The following ALDH1A2 variants were observed in gnomAD, a reference collection of about 807,000 sequenced individuals.
ALDH1A2 encodes retinal dehydrogenase 2.
In ALDH1A2, 27 loss-of-function variants were observed where a neutral mutation model predicts 60.3. The ratio of observed to expected loss-of-function variants is 0.45; its 90% confidence interval spans 0.33 to 0.62. The LOEUF is 0.62. ALDH1A2 is among the 20% of genes least tolerant of loss of function. ALDH1A2 has a pLI of 0.02. For missense variants in ALDH1A2, 581 were observed against 643.8 expected (o/e 0.90, Z 1.06); for synonymous variants, 289 against 232.4 (o/e 1.24, Z -2.21).
Position 57,955,700 on chromosome 15 carries a change from C to G in ALDH1A2, c.1485-431G>C, listed in dbSNP as rs145282921. ...AACGCCTTGGCCATGCCTCTCTCCA[C>G]AAGGCAGCACTGGTTCAGTATTAGT... On this transcript the variant is annotated intron_variant, in intron 12 of 12. Coordinates refer to ENST00000249750, the MANE Select transcript of ALDH1A2 (RefSeq NM_003888.4). Among the ~76,000 whole-genome samples the G allele has an allele frequency of 9.0e-3, 1,358 of 150,838 alleles. 16 individuals carry two copies. The highest frequency in any genetic ancestry group is 0.032 in the African/African-American group (1,286 of 40,824).
chr15:58,051,937 TGGA>T, intron 1 of ALDH1A2, among the ~76,000 whole-genome samples: 1 of 152,274 alleles, frequency 6.6e-6, no homozygotes, highest in Non-Finnish European at 1.5e-5. Flanking sequence ...TCAAATGGTC[TGGA>T]GGAGAAATGA....
chr15:57,964,195 G>C (rs1331888107), intron 8 of ALDH1A2, 126 bp from the exon 9 acceptor site: 2 of 981,258 alleles, frequency 2.0e-6, no homozygotes, highest in Non-Finnish European at 3.1e-6. Flanking sequence ...ACCATGAATA[G>C]CCCTGGATTG....
At chr15:57,998,321 GCTT>G (rs1287755549) in intron 4 of ALDH1A2, among the ~76,000 whole-genome samples, 4 of 151,928 alleles carry the variant, frequency 2.6e-5, no homozygotes, top group Non-Finnish European at 5.9e-5. Context: ...CAGCACAAAA[GCTT>G]CTTAAGCTGA....
chr15:57,959,645 A>G (rs1391836113), intron 12 of ALDH1A2, among the ~76,000 whole-genome samples: 1 of 152,052 alleles, frequency 6.6e-6, no homozygotes, highest in African/African-American at 2.4e-5. Context: ...AAGAACCCTG[A>G]GGTAGGTAGT....
chr15:58,008,094 A>G (rs1368018002), intron 4 of ALDH1A2, among the ~76,000 whole-genome samples: 1 of 152,008 alleles, frequency 6.6e-6, no homozygotes, highest in East Asian at 1.9e-4. Flanking sequence ...GTTAACCTCT[A>G]CCTCCATCCT....
At chr15:58,057,970 T>C in intron 1 of ALDH1A2, 1 of 954,028 alleles carries the variant, frequency 1.0e-6, no homozygotes. Flanking sequence ...AATAATACAA[T>C]TATATTATCA....
chr15:58,028,889 G>T (rs1241832196), intron 1 of ALDH1A2, among the ~76,000 whole-genome samples: 7 of 152,130 alleles, frequency 4.6e-5, no homozygotes, highest in Non-Finnish European at 1.0e-4. Context: ...GGAGCACCCA[G>T]ACTCATGAAG....
chr15:58,040,131 A>G (rs1448620789), intron 1 of ALDH1A2, among the ~76,000 whole-genome samples: 1 of 151,928 alleles, frequency 6.6e-6, no homozygotes, highest in Non-Finnish European at 1.5e-5. Flanking sequence ...CAGAGAGGCA[A>G]TTTGTGTGTC....
At chr15:57,995,237 C>CTTGA (rs1895016846) in intron 4 of ALDH1A2, 98 bp from the exon 5 acceptor site, 1 of 457,486 alleles carries the variant, frequency 2.2e-6, no homozygotes. Context: ...AAAAAAAAAA[C>CTTGA]AAACAGAAAT....
Position 58,010,727 on chromosome 15 carries a change from C to T in ALDH1A2, c.415G>A (p.Asp139Asn). 1 of 1,613,500 alleles carries T rather than the reference C, an allele frequency of 6.2e-7. No homozygotes were observed. Among genetic ancestry groups the T allele is most frequent in the South Asian group, 1.1e-5 (1 of 91,076 alleles). Residue 139 changes from aspartate (D) to asparagine (N), a missense_variant, in exon 4 of 13, where the codon GAT (aspartate) becomes AAT (asparagine). Transcript: ENST00000249750. ...GKPFLQAFYV[D>N]LQGVIKTFRY... ...AAGGTTTTGATGACGCCCTGCAAAT[C>T]CACATAAAAAGCTTGCAGGAATGGT...
intron 7 of ALDH1A2, among the ~76,000 whole-genome samples, chr15:57,966,892 T>C (rs1187604792): frequency 6.6e-6 from 1 of 152,226 alleles, no homozygotes; most frequent in Non-Finnish European, 1.5e-5. Context: ...TACAACAGGA[T>C]GCGACTCCAC....
chr15:57,984,380 C>T (rs1894626971), intron 7 of ALDH1A2, among the ~76,000 whole-genome samples: 1 of 152,176 alleles, frequency 6.6e-6, no homozygotes, highest in African/African-American at 2.4e-5. Flanking sequence ...TGAGATATAA[C>T]TCATATACCA....
chr15:58,010,353 T>TAC (rs1895590438), intron 4 of ALDH1A2, among the ~76,000 whole-genome samples: 1 of 152,106 alleles, frequency 6.6e-6, no homozygotes, highest in African/African-American at 2.4e-5. Context: ...CCTTCATACC[T>TAC]ACCCCAGCAC....
In ALDH1A2 at chr15:57,954,980, A is replaced by T; in HGVS notation, c.*217T>A. ...CTCCCTTTATCCCACTTTCCCCAAT[A>T]TTTGGTATGATTAAGGTGGCCCCTT... On this transcript the variant is annotated 3_prime_UTR_variant, in exon 13 of 13. Coordinates refer to ENST00000249750, the MANE Select transcript of ALDH1A2 (RefSeq NM_003888.4). 1.6e-6 allele frequency: 1 copy of T among 607,146 alleles called. No homozygotes were observed. Among genetic ancestry groups the T allele is most frequent in the South Asian group, 1.9e-5 (1 of 51,388 alleles). 37.6% of individuals were successfully genotyped at this position (607,146 alleles called of 1,614,324 possible).
chr15:58,036,954 C>A (rs1175708988), intron 1 of ALDH1A2, among the ~76,000 whole-genome samples: 1 of 151,682 alleles, frequency 6.6e-6, no homozygotes, highest in Non-Finnish European at 1.5e-5. Context: ...AATTATTCAG[C>A]CGGCCTGATC....
chr15:58,033,316 C>T lies in ALDH1A2; in HGVS notation c.118-19035G>A, dbSNP rs553436645. 5.3e-5 allele frequency among the ~76,000 whole-genome samples: 8 copies of T among 152,004 alleles called. No individual in the cohort carries two copies. The South Asian group carries it at 1.7e-3, about 32-fold the overall frequency. On this transcript the variant is annotated intron_variant, in intron 1 of 12. Coordinates refer to ENST00000249750, the MANE Select transcript of ALDH1A2 (RefSeq NM_003888.4). ...TCAGGACTTGATGCTTTCTATTTGACATGCTTTATTTTACCTTCTATTTTC... is the reference window on the plus strand; with the variant it reads ...TCAGGACTTGATGCTTTCTATTTGATATGCTTTATTTTACCTTCTATTTTC...
intron 4 of ALDH1A2, among the ~76,000 whole-genome samples, chr15:58,001,246 TCTTCAGA>T (rs2140502206): frequency 6.6e-6 from 1 of 151,942 alleles, no homozygotes; most frequent in East Asian, 1.9e-4. Context: ...TGGATCTGGG[TCTTCAGA>T]CTTCAAGTTC....
At chr15:57,991,085 AT>A (rs1435470941) in intron 7 of ALDH1A2, among the ~76,000 whole-genome samples, 3 of 152,084 alleles carry the variant, frequency 2.0e-5, no homozygotes, top group Admixed American at 2.0e-4. Context: ...ATTATTTATG[AT>A]TTCTGGTTTC....
intron 7 of ALDH1A2, among the ~76,000 whole-genome samples, chr15:57,978,714 A>T (rs1280982657): frequency 1.3e-5 from 2 of 152,126 alleles, no homozygotes; most frequent in African/African-American, 4.8e-5. Context: ...GGTCAGGCCC[A>T]GAAGGGGAGA....
Sources: gnomAD v4.1 joint callset for allele counts (sites outside exome capture counted in the v4.1 genomes callset) on GRCh38, gnomAD v4.1.1 for gene constraint, MANE v1.5 for transcripts, NCBI Gene and HGNC (gene_info 2026-07-23, HGNC 2026-07-21) for gene names.